ANO3: variants seen among roughly 807,000 people sequenced by gnomAD.
ANO3 encodes the protein anoctamin-3.
A neutral mutation model predicts 144.8 loss-of-function variants in ANO3; 99 were observed. The observed-to-expected ratio is 0.68, with a 90% confidence interval of 0.58 to 0.81. The LOEUF (loss-of-function observed/expected upper bound fraction) is 0.81. Among genes scored for constraint, ANO3 ranks in the 30% least tolerant of loss-of-function variants. ANO3 has a pLI of 0.00. For synonymous variants in ANO3, 414 were observed against 392.6 expected (o/e 1.05, Z -0.64); for missense variants, 905 against 1,202.2 (o/e 0.75, Z 3.66).
chr11:26,562,964 T>C, intron 14 of ANO3: 1 of 1,134,262 alleles, frequency 8.8e-7, no homozygotes, highest in Non-Finnish European at 1.2e-6. Context: ...GTTTTGTTCT[T>C]TGATAAACAG....
chr11:26,312,998 G>A (rs906664003), intron 1 of ANO3, among the ~76,000 whole-genome samples: 2 of 152,184 alleles, frequency 1.3e-5, no homozygotes, highest in Non-Finnish European at 2.9e-5. Context: ...TCTTCAGAGA[G>A]AGTGTACTTT....
At chr11:26,331,197 G>A (rs531039039), upstream of ANO3, among the ~76,000 whole-genome samples, 1 of 152,244 alleles carries the variant, frequency 6.6e-6, no homozygotes, top group Admixed American at 6.5e-5. Flanking sequence ...GGGAGGGAGA[G>A]CATTAGGAAC....
At chr11:26,620,458 T>A (rs948942078) in intron 17 of ANO3, among the ~76,000 whole-genome samples, 8 of 151,630 alleles carry the variant, frequency 5.3e-5, no homozygotes, top group African/African-American at 1.9e-4. Flanking sequence ...TAAAATCAAA[T>A]TTTATAAATA....
At chr11:26,477,618 A>G (rs568861720) in intron 4 of ANO3, among the ~76,000 whole-genome samples, 1 of 152,226 alleles carries the variant, frequency 6.6e-6, no homozygotes, top group South Asian at 2.1e-4. Flanking sequence ...GAGGGGGACA[A>G]TGGATTATTT....
At chr11:26,574,078 C>G (rs1345933682) in intron 14 of ANO3, among the ~76,000 whole-genome samples, 1 of 152,182 alleles carries the variant, frequency 6.6e-6, no homozygotes, top group African/African-American at 2.4e-5. Flanking sequence ...CATCAGCAAA[C>G]CCAGCTGAGA....
chr11:26,462,204 G>A (rs1341962738), intron 3 of ANO3, among the ~76,000 whole-genome samples: 1 of 151,894 alleles, frequency 6.6e-6, no homozygotes, highest in Non-Finnish European at 1.5e-5. Flanking sequence ...TTCACGTTTA[G>A]TAGATATCAA....
At chr11:26,417,403 T>C (rs1857621367) in intron 1 of ANO3, among the ~76,000 whole-genome samples, 1 of 152,096 alleles carries the variant, frequency 6.6e-6, no homozygotes, top group Non-Finnish European at 1.5e-5. Context: ...AATTCTCAAA[T>C]GCCTTTTGTT....
At chr11:26,323,555 G>C (rs898013095) in intron 1 of ANO3, among the ~76,000 whole-genome samples, 34 of 152,038 alleles carry the variant, frequency 2.2e-4, no homozygotes, top group African/African-American at 8.2e-4. Context: ...CCTTGTTTAA[G>C]AATTTATATT....
intron 10 of ANO3, among the ~76,000 whole-genome samples, chr11:26,538,904 G>C (rs1409449551): frequency 6.6e-6 from 1 of 152,096 alleles, no homozygotes; most frequent in African/African-American, 2.4e-5. Context: ...AGGCTTATTA[G>C]GAGGAAAGTG....
rs1288661814 is a variant in ANO3, at chr11:26,381,231, A to G, written c.46+48910A>G. Among the ~76,000 whole-genome samples the G allele has an allele frequency of 2.0e-5, 3 of 152,172 alleles. 1 individual carries two copies. Among genetic ancestry groups the G allele is most frequent in the Non-Finnish European group, 4.4e-5 (3 of 68,036 alleles). ...CACCATTTCCTGAGACAGTCAACCC[A>G]TTATTCTAACTTCAGTTTAATTATC... On this transcript the variant is annotated intron_variant, in intron 1 of 26. Transcript: ENST00000256737.
At position 26,580,517 on chromosome 11, in the gene ANO3, C is replaced by T. The variant is rs1020544414; in HGVS notation, c.1448-17848C>T. 7.2e-5 allele frequency among the ~76,000 whole-genome samples: 11 copies of T among 152,240 alleles called. No homozygotes were observed. The East Asian group carries it at 2.1e-3, about 29-fold the overall frequency. The stretch of plus-strand genomic sequence containing the variant: ...TTTCTCTTCCATTACCTGTGTTGGG[C>T]ACCATAGAACATATGTAAATTAACA... On this transcript the variant is annotated intron_variant, in intron 14 of 26. Coordinates refer to ENST00000256737, the MANE Select transcript of ANO3 (RefSeq NM_031418.4).
chr11:26,502,419 A>C (rs894072246), intron 4 of ANO3, among the ~76,000 whole-genome samples: 19 of 152,160 alleles, frequency 1.2e-4, no homozygotes, highest in Admixed American at 5.9e-4. Flanking sequence ...GAAGGCAGTA[A>C]ATTAGATTCC....
At chr11:26,474,129 G>A in intron 4 of ANO3, 1 of 983,930 alleles carries the variant, frequency 1.0e-6, no homozygotes, top group Non-Finnish European at 1.2e-6. Flanking sequence ...TCTGACTGTG[G>A]TATGTTTAAA....
At chr11:26,434,183 T>C (rs1286228364) in intron 1 of ANO3, among the ~76,000 whole-genome samples, 1 of 152,172 alleles carries the variant, frequency 6.6e-6, no homozygotes, top group Non-Finnish European at 1.5e-5. Flanking sequence ...ATTCATCTCT[T>C]CTAGGTTTTC....
chr11:26,400,548 T>G (rs150854427), intron 1 of ANO3, among the ~76,000 whole-genome samples: 55 of 152,142 alleles, frequency 3.6e-4, no homozygotes, highest in African/African-American at 1.2e-3. Context: ...TTTGACATAT[T>G]TTCAAACATT....
In ANO3 at chr11:26,314,003, T is replaced by G. The variant is rs537037313; in HGVS notation, c.-3+4284T>G. On this transcript the variant is annotated intron_variant, in intron 1 of 26. Transcript: ENST00000525139. ...CAGTAGAAGAAAAATGCATAAGTGC[T>G]TATAATAAAAGGCAATACATGTTTG... Among the ~76,000 whole-genome samples, 48 of 152,120 alleles carry G rather than the reference T, an allele frequency of 3.2e-4. No homozygotes were observed. In the Middle Eastern group the frequency reaches 0.01, roughly 33 times the overall value.
At chr11:26,634,376 G>C in intron 19 of ANO3, 61 bp downstream of exon 19, 1 of 1,078,048 alleles carries the variant, frequency 9.3e-7, no homozygotes, top group Non-Finnish European at 1.4e-6. Flanking sequence ...TAGTTTAATT[G>C]ACGATTACTG....
At chr11:26,569,439 C>T (rs1328095373) in intron 14 of ANO3, among the ~76,000 whole-genome samples, 1 of 152,040 alleles carries the variant, frequency 6.6e-6, no homozygotes, top group Non-Finnish European at 1.5e-5. Flanking sequence ...GCCTCTGCTG[C>T]CTGGCTTCTA....
chr11:26,360,194 T>TC (rs1855890640), intron 1 of ANO3, among the ~76,000 whole-genome samples: 1 of 128,350 alleles, frequency 7.8e-6, no homozygotes, highest in Non-Finnish European at 1.6e-5. Context: ...CCCTTTTTTT[T>TC]TCCACTTACT....
Sources: gnomAD v4.1 joint callset for allele counts (sites outside exome capture counted in the v4.1 genomes callset) on GRCh38, gnomAD v4.1.1 for gene constraint, MANE v1.5 for transcripts, NCBI Gene and HGNC (gene_info 2026-07-23, HGNC 2026-07-21) for gene names.